FGF14: variants seen among roughly 807,000 people sequenced by gnomAD.
FGF14 encodes the protein fibroblast growth factor 14.
FGF14 carries 5 observed loss-of-function variants against 25.5 expected under a neutral mutation model. That is an observed-to-expected ratio of 0.20 (90% CI 0.10 to 0.41). The LOEUF is 0.41. FGF14 is among the 10% of genes least tolerant of loss of function. FGF14 has a pLI of 1.00. For missense variants in FGF14, 222 were observed against 320.1 expected (o/e 0.69, Z 2.34); for synonymous variants, 138 against 118.3 (o/e 1.17, Z -1.08).
At position 102,108,646 on chromosome 13, in the gene FGF14, TA is replaced by T. The variant is rs1351598814; in HGVS notation, c.209-233351del. Among the ~76,000 whole-genome samples, 6 of 152,334 alleles carry T rather than the reference TA, an allele frequency of 3.9e-5. No homozygotes were observed. The East Asian group carries it at 1.2e-3, about 29-fold the overall frequency. ...ATATGCATAGATGCAAGGGTGTGTA[TA>T]TAAGTTCATGTATAGAAATAGGTAT... On this transcript the variant is annotated intron_variant, in intron 1 of 4. Transcript: ENST00000376131.
intron 1 of FGF14, among the ~76,000 whole-genome samples, chr13:102,266,528 G>T (rs1348002605): frequency 6.6e-6 from 1 of 152,022 alleles, no homozygotes; most frequent in Non-Finnish European, 1.5e-5. Flanking sequence ...AAGAAGCAAA[G>T]ATCAGATAAA....
intron 3 of FGF14, among the ~76,000 whole-genome samples, chr13:101,785,575 A>G (rs1490655780): frequency 6.6e-6 from 1 of 152,144 alleles, no homozygotes; most frequent in African/African-American, 2.4e-5. Flanking sequence ...CTTTAAGTTT[A>G]AACTAAACTA....
At chr13:101,746,356 G>A (rs775107998) in intron 3 of FGF14, among the ~76,000 whole-genome samples, 7 of 152,092 alleles carry the variant, frequency 4.6e-5, no homozygotes, top group African/African-American at 7.2e-5. Context: ...CAAATCACCA[G>A]ACAATATTCT....
At chr13:101,957,964 G>A (rs11840469) in intron 1 of FGF14, among the ~76,000 whole-genome samples, 7,976 of 152,156 alleles carry the variant, frequency 0.052, 322 homozygotes, top group Middle Eastern at 0.079. Flanking sequence ...AACTAAAATA[G>A]AGTAAATAAA....
intron 1 of FGF14, among the ~76,000 whole-genome samples, chr13:102,351,814 C>T (rs574019568): frequency 1.6e-4 from 24 of 152,320 alleles, no homozygotes; most frequent in Admixed American, 1.6e-3. Context: ...GCCAAGGTGG[C>T]TTTTGTCATC....
intron 1 of FGF14, among the ~76,000 whole-genome samples, chr13:101,962,495 A>G (rs2036924315): frequency 6.6e-6 from 1 of 152,196 alleles, no homozygotes; most frequent in Admixed American, 6.5e-5. Flanking sequence ...CTAATAACCC[A>G]TAGAATGACT....
chr13:101,974,445 A>G (rs938728382), intron 1 of FGF14, among the ~76,000 whole-genome samples: 2 of 152,328 alleles, frequency 1.3e-5, no homozygotes, highest in Middle Eastern at 3.4e-3. Context: ...TAAACTAGCT[A>G]TATGCCTAGT....
intron 1 of FGF14, among the ~76,000 whole-genome samples, chr13:101,995,827 T>C (rs1440111321): frequency 6.6e-6 from 1 of 151,986 alleles, no homozygotes; most frequent in African/African-American, 2.4e-5. Flanking sequence ...ACTCATGACA[T>C]AGAGGGTAGA....
intron 1 of FGF14, among the ~76,000 whole-genome samples, chr13:102,154,957 A>C (rs1247321561): frequency 6.6e-6 from 1 of 152,218 alleles, no homozygotes; most frequent in Admixed American, 6.5e-5. Context: ...CAACAAGAAG[A>C]GCTAACTATC....
intron 1 of FGF14, among the ~76,000 whole-genome samples, chr13:102,194,810 T>A (rs1398829581): frequency 2.0e-5 from 3 of 152,156 alleles, no homozygotes; most frequent in African/African-American, 7.2e-5. Flanking sequence ...AGACATATCA[T>A]AATCGAATTG....
chr13:102,073,525 G>C (rs2043234197), intron 1 of FGF14, among the ~76,000 whole-genome samples: 1 of 152,188 alleles, frequency 6.6e-6, no homozygotes, highest in Non-Finnish European at 1.5e-5. Flanking sequence ...TGCCAAGAAA[G>C]TTAAATTTAT....
intron 1 of FGF14, among the ~76,000 whole-genome samples, chr13:101,931,602 C>T (rs2139243673): frequency 6.6e-6 from 1 of 152,298 alleles, no homozygotes; most frequent in Non-Finnish European, 1.5e-5. Flanking sequence ...CCAGTCTACC[C>T]TCAGCGGCTA....
At chr13:102,121,023 A>G (rs926677705) in intron 1 of FGF14, among the ~76,000 whole-genome samples, 1 of 152,180 alleles carries the variant, frequency 6.6e-6, no homozygotes, top group Non-Finnish European at 1.5e-5. Context: ...TCTTTAAATT[A>G]GGGACTGAGT....
chr13:101,818,891 C>T (rs1439038870), intron 3 of FGF14, among the ~76,000 whole-genome samples: 1 of 152,226 alleles, frequency 6.6e-6, no homozygotes, highest in East Asian at 1.9e-4. Flanking sequence ...TCCCAACATT[C>T]GTTCATCTAT....
chr13:102,247,178 A>C (rs952223201), intron 1 of FGF14, among the ~76,000 whole-genome samples: 11 of 152,134 alleles, frequency 7.2e-5, no homozygotes, highest in Non-Finnish European at 1.5e-4. Context: ...GGAACTAGCA[A>C]AGATTTCATG....
intron 1 of FGF14, among the ~76,000 whole-genome samples, chr13:102,297,840 C>A (rs1288880842): frequency 6.6e-6 from 1 of 151,890 alleles, no homozygotes; most frequent in Non-Finnish European, 1.5e-5. Flanking sequence ...TTAATGACTG[C>A]ATTATTAAAT....
At chr13:102,339,834 AT>A (rs1326700803) in intron 1 of FGF14, among the ~76,000 whole-genome samples, 3 of 152,216 alleles carry the variant, frequency 2.0e-5, no homozygotes, top group Non-Finnish European at 1.5e-5. Flanking sequence ...AGTTTGAACA[AT>A]GATAGCATGG....
At chr13:102,363,285 G>C (rs73566176) in intron 1 of FGF14, among the ~76,000 whole-genome samples, 20,116 of 152,180 alleles carry the variant, frequency 0.13, 1,392 homozygotes, top group East Asian at 0.16. Flanking sequence ...TTTATTTATA[G>C]AGAAAACATA....
chr13:102,277,866 T>G (rs2053623749), intron 1 of FGF14, among the ~76,000 whole-genome samples: 1 of 152,246 alleles, frequency 6.6e-6, no homozygotes, highest in South Asian at 2.1e-4. Flanking sequence ...TATTTGTTTA[T>G]TTACATCCTT....
Sources: allele counts gnomAD v4.1 joint callset (sites outside exome capture counted in the v4.1 genomes callset), GRCh38; gene constraint gnomAD v4.1.1; transcripts MANE v1.5; gene names NCBI Gene and HGNC (gene_info 2026-07-23, HGNC 2026-07-21).